ZNF831: variants seen among roughly 807,000 people sequenced by gnomAD.
ZNF831 encodes the protein zinc finger protein 831.
A neutral mutation model predicts 95.8 loss-of-function variants in ZNF831; 59 were observed. The observed-to-expected ratio is 0.62, with a 90% confidence interval of 0.50 to 0.77. The LOEUF is 0.77. Ranked by LOEUF, ZNF831 falls within the 30% of genes least tolerant of loss-of-function variation. The pLI, the probability that ZNF831 is intolerant of heterozygous loss-of-function variation, is 0.00. For synonymous variants in ZNF831, 961 were observed against 925.5 expected (o/e 1.04, Z -0.70); for missense variants, 2,205 against 2,164.0 (o/e 1.02, Z -0.38).
intron 1 of ZNF831, among the ~76,000 whole-genome samples, chr20:59,136,680 T>C (rs1979521582): frequency 6.6e-6 from 1 of 152,222 alleles, no homozygotes; most frequent in Non-Finnish European, 1.5e-5. Context: ...GATAAAATGT[T>C]GGAATTTGGC....
At chr20:59,127,047 G>A (rs976948275) in intron 1 of ZNF831, among the ~76,000 whole-genome samples, 3 of 151,972 alleles carry the variant, frequency 2.0e-5, no homozygotes, top group African/African-American at 4.8e-5. Context: ...ATGACTTCTC[G>A]TCTGAAGGGG....
chr20:59,194,159 C>T lies in ZNF831; in HGVS notation c.3140C>T (p.Ala1047Val). 1.3e-6 allele frequency: 2 copies of T among 1,579,928 alleles called. No homozygotes were observed. The highest frequency in any genetic ancestry group is 2.7e-5 in the African/African-American group (2 of 74,466). Residue 1047 changes from alanine (A) to valine (V), a missense_variant, in exon 2 of 6, where the codon GCT (alanine) becomes GTT (valine). Ala to Val is a moderately conservative substitution (Grantham distance 64, BLOSUM62 0). Transcript: ENST00000371030. ...GAGTTGCCCATCTCAGCACCAGGGGCTCCCAGGGAGGCTACCTCCTCCCCG... is the reference window on the plus strand; with the variant it reads ...GAGTTGCCCATCTCAGCACCAGGGGTTCCCAGGGAGGCTACCTCCTCCCCG... ...ARELPISAPG[A>V]PREATSSPPT...
intron 3 of ZNF831, among the ~76,000 whole-genome samples, chr20:59,196,869 G>C (rs145417950): frequency 0.028 from 4,230 of 151,982 alleles, 214 homozygotes; most frequent in African/African-American, 0.098. Flanking sequence ...CCTCTGCCTT[G>C]GGGGTTCAAG....
intron 1 of ZNF831, among the ~76,000 whole-genome samples, chr20:59,170,759 C>A (rs927830122): frequency 6.6e-6 from 1 of 152,160 alleles, no homozygotes; most frequent in Non-Finnish European, 1.5e-5. Context: ...CAAGGACACA[C>A]GTGGAAGGAG....
intron 1 of ZNF831, among the ~76,000 whole-genome samples, chr20:59,171,081 G>A (rs554940912): frequency 6.6e-6 from 1 of 152,276 alleles, no homozygotes; most frequent in African/African-American, 2.4e-5. Flanking sequence ...ATGTTGTGGG[G>A]GCTGCAGACA....
chr20:59,192,129 C>G lies in ZNF831; in HGVS notation c.1110C>G (p.Ser370Arg), dbSNP rs1373784731. 6 of 1,570,438 alleles carry G rather than the reference C, an allele frequency of 3.8e-6. No homozygotes were observed. The highest frequency in any genetic ancestry group is 5.2e-6 in the Non-Finnish European group (6 of 1,164,420). Reference sequence around the variant, plus strand: ...CCCTGCACAGCCTTTCGGAGCACAGCGCCGAGTCCGAGGGGGAGGGCGGCC... The same window carrying G: ...CCCTGCACAGCCTTTCGGAGCACAGGGCCGAGTCCGAGGGGGAGGGCGGCC... The part of the protein sequence containing the change: ...CSPLHSLSEH[S>R]AESEGEGGPG... The change falls in exon 2 of 6, where the codon AGC becomes AGG. Residue 370 changes from serine (S) to arginine (R), a missense_variant. Coordinates refer to ENST00000371030, the MANE Select transcript of ZNF831 (RefSeq NM_178457.3). This position sits in a 1 kb window ranked among gnomAD's most constrained non-coding sequence, Gnocchi z 5.2.
rs1252225947 is a variant in ZNF831 at position 59,255,069 on chromosome 20, A to G, written c.*326A>G. 1.3e-5 allele frequency: 3 copies of G among 229,202 alleles called. No homozygotes were observed. Among genetic ancestry groups the G allele is most frequent in the African/African-American group, 4.5e-5 (2 of 44,426 alleles). The allele number at this position is 229,202 out of a possible 1,614,324, so 14.2% of individuals were successfully genotyped here. A position where few individuals can be genotyped will look rare whatever the true frequency, so the allele number is the denominator to read the frequency against. ...GCCTCGTCTTCTGCACCTGTCCCCC[A>G]CTGCCTCTCTGCAATCAAATGGCAC... On this transcript the variant is annotated 3_prime_UTR_variant, in exon 6 of 6. Transcript: ENST00000371030.
intron 1 of ZNF831, among the ~76,000 whole-genome samples, chr20:59,134,972 A>G (rs1979457753): frequency 6.6e-6 from 1 of 152,118 alleles, no homozygotes; most frequent in Non-Finnish European, 1.5e-5. Context: ...AAGATGGAAA[A>G]AAAACCATCT....
rs1478359954 is a variant in ZNF831 at position 59,163,984 on chromosome 20, G to A, written c.-260G>A. Among the ~76,000 whole-genome samples the A allele has an allele frequency of 6.6e-6, 1 of 152,110 alleles. No homozygotes were observed. Among genetic ancestry groups the A allele is most frequent in the African/African-American group, 2.4e-5 (1 of 41,404 alleles). ...GGAGCATCTCTCCGTTCTCTGAGATGCTGCCTGCAGAGTAGGAACTGGGAG... is the reference window on the plus strand; with the variant it reads ...GGAGCATCTCTCCGTTCTCTGAGATACTGCCTGCAGAGTAGGAACTGGGAG... On this transcript the variant is annotated 5_prime_UTR_variant, in exon 1 of 6. It removes an upstream start codon present in the reference 5' UTR. Coordinates refer to ENST00000371030, the MANE Select transcript of ZNF831 (RefSeq NM_178457.3).
At position 59,192,353 on chromosome 20, in the gene ZNF831, C is replaced by G; in HGVS notation, c.1334C>G (p.Pro445Arg). The G allele has an allele frequency of 6.2e-7, 1 of 1,610,770 alleles. No individual in the cohort carries two copies. Among genetic ancestry groups the G allele is most frequent in the Non-Finnish European group, 8.5e-7 (1 of 1,178,862 alleles). ...SKQGSIDLPTPYTYKDSFHFD... is the reference protein window; with the variant it reads ...SKQGSIDLPTRYTYKDSFHFD... ...CAGGGCAGCATCGACCTGCCCACGC[C>G]CTACACCTACAAGGACTCCTTCCAC... is the stretch of plus-strand genomic sequence containing the variant. The change falls in exon 2 of 6, where the codon CCC becomes CGC. Residue 445 changes from proline to arginine, a missense_variant. Coordinates refer to ENST00000371030, the MANE Select transcript of ZNF831 (RefSeq NM_178457.3). The surrounding 1 kb of genome is among the most constrained non-coding windows in gnomAD (Gnocchi z 5.2).
intron 4 of ZNF831, among the ~76,000 whole-genome samples, chr20:59,218,031 G>T (rs1190095205): frequency 6.6e-6 from 1 of 152,182 alleles, no homozygotes; most frequent in Non-Finnish European, 1.5e-5. Context: ...CCAAGCCCCA[G>T]TGTTACTCAG....
chr20:59,183,410 G>A lies in ZNF831; in HGVS notation c.-36-7574G>A, dbSNP rs576139299. 1.8e-4 allele frequency among the ~76,000 whole-genome samples: 27 copies of A among 151,700 alleles called. No homozygotes were observed. The East Asian group carries it at 5.2e-3, about 29-fold the overall frequency. On this transcript the variant is annotated intron_variant, in intron 1 of 5. Transcript: ENST00000371030. ...GTAAGTTAGGCAGGTGCTTTTCAAAGTAGAGGACCATACCACTCAGGTGTG... is the reference window on the plus strand; with the variant it reads ...GTAAGTTAGGCAGGTGCTTTTCAAAATAGAGGACCATACCACTCAGGTGTG...
At position 59,211,063 on chromosome 20, in the gene ZNF831, A is replaced by C. The variant is rs1434746115; in HGVS notation, c.4027+4007A>C. The stretch of plus-strand genomic sequence containing the variant: ...TCAAAAAAAAAGAAAAAAAAAAAAA[A>C]AACAAATCCAAGGAGAAAAAAAAAT... On this transcript the variant is annotated intron_variant, in intron 4 of 5. Coordinates refer to ENST00000371030, the MANE Select transcript of ZNF831 (RefSeq NM_178457.3). Among the ~76,000 whole-genome samples the C allele has an allele frequency of 2.6e-5, 4 of 151,698 alleles. 1 individual carries two copies. Among genetic ancestry groups the C allele is most frequent in the Non-Finnish European group, 4.4e-5 (3 of 67,958 alleles).
chr20:59,195,204 CCTCT>C (rs1277936094), intron 2 of ZNF831, among the ~76,000 whole-genome samples: 1 of 152,126 alleles, frequency 6.6e-6, no homozygotes, highest in East Asian at 1.9e-4. Flanking sequence ...TGGACTCAGC[CCTCT>C]CTCTGAGGTT....
chr20:59,229,350 A>G (rs955264895), intron 4 of ZNF831, among the ~76,000 whole-genome samples: 1 of 152,146 alleles, frequency 6.6e-6, no homozygotes, highest in African/African-American at 2.4e-5. Context: ...TGAGACCTAG[A>G]TTGGGAACTG....
chr20:59,125,889 G>A (rs1303456076), intron 1 of ZNF831, among the ~76,000 whole-genome samples: 1 of 152,122 alleles, frequency 6.6e-6, no homozygotes, highest in Non-Finnish European at 1.5e-5. Context: ...GCTGGCTGGC[G>A]TGAGAGCAGG....
chr20:59,165,739 TC>T (rs1289504984), intron 1 of ZNF831, among the ~76,000 whole-genome samples: 1 of 152,066 alleles, frequency 6.6e-6, no homozygotes, highest in Non-Finnish European at 1.5e-5. Flanking sequence ...TCCTTGTAGT[TC>T]CTTTTTTTTT....
Position 59,191,047 on chromosome 20 carries a change from G to A in ZNF831, c.28G>A (p.Ala10Thr). Residue 10 changes from alanine to threonine, a missense_variant, in exon 2 of 6, where the codon GCC (alanine) becomes ACC (threonine). Coordinates refer to ENST00000371030, the MANE Select transcript of ZNF831 (RefSeq NM_178457.3). Reference protein sequence around the residue: MEVPEPTCPAPPARDQPAPT... With the variant: MEVPEPTCPTPPARDQPAPT... ...GGAGGTTCCAGAACCCACCTGCCCT[G>A]CCCCTCCTGCGAGGGACCAGCCAGC... is the stretch of plus-strand genomic sequence containing the variant. The A allele has an allele frequency of 6.7e-7, 1 of 1,494,362 alleles. No individual in the cohort carries two copies. Among genetic ancestry groups the A allele is most frequent in the Non-Finnish European group, 8.8e-7 (1 of 1,129,994 alleles). 92.6% of individuals were successfully genotyped at this position (1,494,362 alleles called of 1,614,324 possible). A position where few individuals can be genotyped will look rare whatever the true frequency, so the allele number is the denominator to read the frequency against.
At chr20:59,236,871 C>T (rs1473748638) in intron 4 of ZNF831, among the ~76,000 whole-genome samples, 1 of 152,072 alleles carries the variant, frequency 6.6e-6, no homozygotes, top group East Asian at 1.9e-4. Context: ...AAAAGATTTT[C>T]CCCCCGTTTT....
Sources: gnomAD v4.1 joint callset for allele counts (sites outside exome capture counted in the v4.1 genomes callset) on GRCh38, gnomAD v4.1.1 for gene constraint, Gnocchi (gnomAD v3.1) non-coding constraint, MANE v1.5 for transcripts, NCBI Gene and HGNC (gene_info 2026-07-23, HGNC 2026-07-21) for gene names.